The following HABP2 variants were observed in gnomAD, a reference collection of about 807,000 sequenced individuals.
HABP2 encodes factor VII-activating protease.
HABP2 carries 65 observed loss-of-function variants against 66.5 expected under a neutral mutation model. The ratio of observed to expected loss-of-function variants is 0.98; its 90% CI spans 0.80 to 1.20. The LOEUF (loss-of-function observed/expected upper bound fraction) is 1.20. HABP2 is among the 50% of genes most tolerant of loss of function. The pLI, the probability that HABP2 is intolerant of heterozygous loss-of-function variation, is 0.00. For synonymous variants in HABP2, 263 were observed against 253.9 expected (o/e 1.04, Z -0.34); for missense variants, 786 against 691.0 (o/e 1.14, Z -1.54).
At chr10:113,563,832 C>T (rs1414532272) in intron 1 of HABP2, among the ~76,000 whole-genome samples, 1 of 152,150 alleles carries the variant, frequency 6.6e-6, no homozygotes, top group African/African-American at 2.4e-5. Context: ...GAGAAGAATT[C>T]GTAGGGAATC....
At chr10:113,569,917 A>G (rs1845273246) in intron 2 of HABP2, 1 of 152,310 alleles carries the variant, frequency 6.6e-6, no homozygotes, top group African/African-American at 2.4e-5. Context: ...TGTTCCACAC[A>G]TCTGGCAAGC....
chr10:113,582,164 C>T, intron 9 of HABP2, 33 bp downstream of exon 9: 2 of 1,577,768 alleles, frequency 1.3e-6, no homozygotes, highest in Non-Finnish European at 1.7e-6. Flanking sequence ...ACCAGGGTGG[C>T]TTGAGTGGCT....
Position 113,582,151 on chromosome 10 carries a change from G to A in HABP2, c.1094+20G>A. Reference sequence around the variant, plus strand: ...CACCGAGTAGGTGCCGCTGGGAGCAGGGACCAGGGTGGCTTGAGTGGCTGG... The same window carrying A: ...CACCGAGTAGGTGCCGCTGGGAGCAAGGACCAGGGTGGCTTGAGTGGCTGG... On this transcript the variant is annotated intron_variant, in intron 9 of 12. Transcript: ENST00000351270. The A allele has an allele frequency of 6.3e-7, 1 of 1,592,408 alleles. No individual in the cohort carries two copies.
In HABP2 at chr10:113,589,551, C is replaced by CACTT. The variant is rs1485458811; in HGVS notation, c.*1183_*1186dup. The CACTT allele has an allele frequency of 1.5e-6, 2 of 1,296,858 alleles. No homozygotes were observed. Among genetic ancestry groups the CACTT allele is most frequent in the African/African-American group, 1.5e-5 (1 of 67,848 alleles). 80.3% of individuals were successfully genotyped at this position (1,296,858 alleles called of 1,614,324 possible). The stretch of plus-strand genomic sequence containing the variant: ...GGCGCCTTGTTTGAGCTGCGTTTCA[C>CACTT]ACTTCTTTAGAGCTAGCTGACCTTT... On this transcript the variant is annotated 3_prime_UTR_variant, in exon 13 of 13. Coordinates refer to ENST00000351270, the MANE Select transcript of HABP2 (RefSeq NM_004132.5).
intron 1 of HABP2, among the ~76,000 whole-genome samples, chr10:113,565,132 C>A (rs1043226666): frequency 6.6e-6 from 1 of 152,242 alleles, no homozygotes; most frequent in Non-Finnish European, 1.5e-5. Context: ...GCGTGAGCCA[C>A]CACGCCCAGC....
intron 10 of HABP2, 130 bp downstream of exon 10, chr10:113,583,488 G>A: frequency 1.3e-6 from 1 of 753,794 alleles, no homozygotes; most frequent in Non-Finnish European, 2.2e-6. Context: ...TGTGCGGTAG[G>A]GAATGTATTC....
At chr10:113,573,457 A>C (rs1316667008) in intron 2 of HABP2, among the ~76,000 whole-genome samples, 3 of 152,212 alleles carry the variant, frequency 2.0e-5, no homozygotes, top group Non-Finnish European at 4.4e-5. Flanking sequence ...GTGTGGGAGT[A>C]CCCAAGGCAA....
intron 7 of HABP2, among the ~76,000 whole-genome samples, chr10:113,579,991 A>G (rs1845491269): frequency 6.6e-6 from 1 of 152,072 alleles, no homozygotes; most frequent in Non-Finnish European, 1.5e-5. Context: ...CATCTTGGCC[A>G]GCCTGGTCTC....
intron 1 of HABP2, among the ~76,000 whole-genome samples, chr10:113,557,578 T>A (rs556677623): frequency 2.6e-5 from 4 of 152,146 alleles, no homozygotes; most frequent in African/African-American, 9.6e-5. Context: ...TTGGCAACGA[T>A]CCCAGGAAAA....
chr10:113,589,471 G>A lies in HABP2; in HGVS notation c.*1102G>A, dbSNP rs1470351994. The A allele has an allele frequency of 1.9e-5, 12 of 640,078 alleles. No homozygotes were observed. The highest frequency in any genetic ancestry group is 2.7e-5 in the Non-Finnish European group (10 of 377,286). The allele number at this position is 640,078 out of a possible 1,614,324, so 39.6% of individuals were successfully genotyped here. The stretch of plus-strand genomic sequence containing the variant: ...TGGCTGTGACTTCAGAGAAAGCCCT[G>A]CAGGAAGTTTAACCTGCGTGTCATC... On this transcript the variant is annotated 3_prime_UTR_variant, in exon 13 of 13. Coordinates refer to ENST00000351270, the MANE Select transcript of HABP2 (RefSeq NM_004132.5).
chr10:113,569,204 G>C (rs1845257432), intron 2 of HABP2, among the ~76,000 whole-genome samples: 1 of 152,172 alleles, frequency 6.6e-6, no homozygotes, highest in Non-Finnish European at 1.5e-5. Context: ...GGAGTGAAGA[G>C]TATTTAATTT....
chr10:113,559,474 C>T (rs888316179), intron 1 of HABP2, among the ~76,000 whole-genome samples: 3 of 152,192 alleles, frequency 2.0e-5, no homozygotes, highest in Non-Finnish European at 1.5e-5. Flanking sequence ...TGCACAGGAG[C>T]AAAGATAGGC....
rs189830096 is a variant in HABP2 at position 113,588,788 on chromosome 10, G to T, written c.*419G>T. 1 of 596,146 alleles carries T rather than the reference G, an allele frequency of 1.7e-6. No individual in the cohort carries two copies. Among genetic ancestry groups the T allele is most frequent in the East Asian group, 2.8e-5 (1 of 35,920 alleles). The allele number at this position is 596,146 out of a possible 1,614,324, so 36.9% of individuals were successfully genotyped here. On this transcript the variant is annotated 3_prime_UTR_variant, in exon 13 of 13. Coordinates refer to ENST00000351270, the MANE Select transcript of HABP2 (RefSeq NM_004132.5). ...GCACTCAACAGAATCAGCCATCCAC[G>T]TCTAGGTATCAGAGAGGACCACAAA...
At chr10:113,581,828 A>T in intron 8 of HABP2, 48 bp from the exon 9 acceptor site, 1 of 1,604,028 alleles carries the variant, frequency 6.2e-7, no homozygotes, top group Non-Finnish European at 8.5e-7. Flanking sequence ...CTGCTGAGGA[A>T]CTGGAGGGAG....
chr10:113,558,899 G>T (rs1472920986), intron 1 of HABP2, among the ~76,000 whole-genome samples: 1 of 152,056 alleles, frequency 6.6e-6, no homozygotes, highest in Admixed American at 6.6e-5. Context: ...CTGTTGCCCA[G>T]GCTGGAGTGC....
At position 113,560,673 on chromosome 10, in the gene HABP2, G is replaced by T. The variant is rs942730691; in HGVS notation, c.70-6816G>T. Among the ~76,000 whole-genome samples the T allele has an allele frequency of 2.0e-4, 30 of 152,196 alleles. 1 individual carries two copies. Among genetic ancestry groups the T allele is most frequent in the Non-Finnish European group, 8.8e-5 (6 of 68,038 alleles). ...AACATGTGATTAGATAGAGACAATG[G>T]AATACTATTTAGCTGTAAAAAGGAA... On this transcript the variant is annotated intron_variant, in intron 1 of 12. Transcript: ENST00000351270.
intron 1 of HABP2, among the ~76,000 whole-genome samples, chr10:113,558,877 C>T (rs966347680): frequency 2.6e-5 from 4 of 151,850 alleles, no homozygotes; most frequent in South Asian, 4.1e-4. Flanking sequence ...TTTTCTTAGA[C>T]GGAGTCTCGC....
Position 113,585,938 on chromosome 10 carries a change from G to C in HABP2, c.1518G>C (p.Gln506His). 6.2e-7 allele frequency: 1 copy of C among 1,613,440 alleles called. No individual in the cohort carries two copies. Among genetic ancestry groups the C allele is most frequent in the Non-Finnish European group, 8.5e-7 (1 of 1,179,420 alleles). Reference sequence around the variant, plus strand: ...AGAAACCTGGGCAAGACACCTGCCAGGTCAGAGACTCCAAGTGGTGCTTGT... The same window carrying C: ...AGAAACCTGGGCAAGACACCTGCCACGTCAGAGACTCCAAGTGGTGCTTGT... ...NLQKPGQDTC[Q>H]GDSGGPLTCE... is the part of the protein sequence containing the mutation. The change falls in exon 12 of 13, where the codon CAG becomes CAC. Residue 506 changes from glutamine (Q) to histidine (H), a missense_variant and splice_region_variant. Physicochemically the swap from Gln to His is conservative, Grantham distance 24 (BLOSUM62 0). Transcript: ENST00000351270.
chr10:113,572,761 G>A (rs750127110), intron 2 of HABP2: 102 of 444,902 alleles, frequency 2.3e-4, no homozygotes, highest in Non-Finnish European at 3.6e-4. Context: ...TTTTCATAGT[G>A]GGGAAAAGCA....
Sources: allele counts gnomAD v4.1 joint callset (sites outside exome capture counted in the v4.1 genomes callset), GRCh38; gene constraint gnomAD v4.1.1; transcripts MANE v1.5; gene names NCBI Gene and HGNC (gene_info 2026-07-23, HGNC 2026-07-21).